The following CXCL13 variants were observed in gnomAD, a reference collection of about 807,000 sequenced individuals.
CXCL13 encodes C-X-C motif chemokine ligand 13.
CXCL13 carries 7 observed loss-of-function variants against 12.2 expected under a neutral mutation model. The observed-to-expected ratio is 0.57, with a 90% CI of 0.33 to 1.07. The LOEUF (loss-of-function observed/expected upper bound fraction) is 1.07. CXCL13 is among the 50% of genes least tolerant of loss of function. The probability of loss-of-function intolerance (pLI) is 0.04; values close to 1 mark genes in which losing one functional copy is unlikely to be tolerated. For missense variants in CXCL13, 113 were observed against 127.4 expected (o/e 0.89, Z 0.55); for synonymous variants, 47 against 42.4 (o/e 1.11, Z -0.42).
intron 1 of CXCL13, among the ~76,000 whole-genome samples, chr4:77,575,836 T>C (rs1312812151): frequency 6.6e-6 from 1 of 151,852 alleles, no homozygotes; most frequent in Non-Finnish European, 1.5e-5. Context: ...CAATTTTCTT[T>C]AGGTTATATT....
At chr4:77,526,911 A>G (rs982803803) in intron 1 of CXCL13, among the ~76,000 whole-genome samples, 6 of 152,150 alleles carry the variant, frequency 3.9e-5, no homozygotes, top group African/African-American at 1.4e-4. Context: ...TCCTGGTTAA[A>G]CAAGAAGAGT....
intron 1 of CXCL13, among the ~76,000 whole-genome samples, chr4:77,531,737 G>A (rs1724923801): frequency 6.6e-6 from 1 of 152,076 alleles, no homozygotes. Context: ...CTCCTGTATT[G>A]GGTGAATATA....
At chr4:77,546,782 C>A (rs1725378205) in intron 1 of CXCL13, among the ~76,000 whole-genome samples, 1 of 152,146 alleles carries the variant, frequency 6.6e-6, no homozygotes, top group African/African-American at 2.4e-5. Context: ...CTTCTGCTAG[C>A]TTTTGAATGT....
chr4:77,555,903 A>G (rs552903713), intron 1 of CXCL13, among the ~76,000 whole-genome samples: 12 of 152,326 alleles, frequency 7.9e-5, no homozygotes, highest in African/African-American at 2.6e-4. Context: ...AGCCACATTG[A>G]TATATTTTTA....
chr4:77,526,677 T>C lies in CXCL13; in HGVS notation c.-43+14889T>C, dbSNP rs185184588. ...CCCTGGCCTCATGGAGCTTCCACACTATGGTGTAAGCAAAGACAGTGACAA... is the reference window on the plus strand; with the variant it reads ...CCCTGGCCTCATGGAGCTTCCACACCATGGTGTAAGCAAAGACAGTGACAA... On this transcript the variant is annotated intron_variant, in intron 1 of 4. Transcript: ENST00000286758. 3.7e-4 allele frequency among the ~76,000 whole-genome samples: 56 copies of C among 152,134 alleles called. 1 individual carries two copies. In the Middle Eastern group the frequency reaches 0.017, roughly 46 times the overall value.
chr4:77,522,312 G>A (rs575448526), intron 1 of CXCL13, among the ~76,000 whole-genome samples: 1 of 151,948 alleles, frequency 6.6e-6, no homozygotes, highest in Admixed American at 6.6e-5. Context: ...TTATTTTGTG[G>A]GAGTCTAAGT....
chr4:77,513,309 G>T (rs766085978), intron 1 of CXCL13, among the ~76,000 whole-genome samples: 3 of 152,086 alleles, frequency 2.0e-5, no homozygotes, highest in African/African-American at 7.2e-5. Context: ...TGATGGGATC[G>T]CTGGGTCTAA....
chr4:77,515,928 G>T (rs901946009), intron 1 of CXCL13, among the ~76,000 whole-genome samples: 36 of 152,212 alleles, frequency 2.4e-4, no homozygotes, highest in Admixed American at 1.9e-3. Flanking sequence ...CATTCAGTAT[G>T]ATATTGACTG....
chr4:77,518,838 A>G (rs1724498615), intron 1 of CXCL13, among the ~76,000 whole-genome samples: 1 of 152,184 alleles, frequency 6.6e-6, no homozygotes, highest in Non-Finnish European at 1.5e-5. Context: ...CTGGTGAGGA[A>G]CTGCGATCCT....
intron 1 of CXCL13, among the ~76,000 whole-genome samples, chr4:77,534,736 G>T (rs372773641): frequency 6.6e-6 from 1 of 152,174 alleles, no homozygotes; most frequent in African/African-American, 2.4e-5. Flanking sequence ...CAGGCCTCAG[G>T]TGTGCCACTT....
intron 1 of CXCL13, among the ~76,000 whole-genome samples, chr4:77,548,286 G>A (rs932006568): frequency 3.3e-5 from 5 of 152,168 alleles, no homozygotes; most frequent in Admixed American, 6.5e-5. Context: ...ACAGTATTTA[G>A]TCTATTGGAA....
chr4:77,551,894 T>C (rs539987233), intron 1 of CXCL13, among the ~76,000 whole-genome samples: 39 of 152,334 alleles, frequency 2.6e-4, no homozygotes, highest in African/African-American at 8.9e-4. Flanking sequence ...AAGCTTTCCA[T>C]TGTATTTTGA....
At chr4:77,562,807 T>C (rs1042652455) in intron 1 of CXCL13, among the ~76,000 whole-genome samples, 7 of 152,092 alleles carry the variant, frequency 4.6e-5, no homozygotes, top group Non-Finnish European at 7.4e-5. Context: ...AGCTCAGGGA[T>C]TGTAAACGCA....
intron 1 of CXCL13, among the ~76,000 whole-genome samples, chr4:77,583,204 T>G (rs1185962773): frequency 2.0e-5 from 3 of 152,234 alleles, no homozygotes; most frequent in African/African-American, 7.2e-5. Flanking sequence ...GAAATTGCTC[T>G]TAGGGCTTAT....
At chr4:77,519,661 G>T (rs947570278) in intron 1 of CXCL13, among the ~76,000 whole-genome samples, 1 of 152,126 alleles carries the variant, frequency 6.6e-6, no homozygotes. Flanking sequence ...CCATTCTGTA[G>T]GTTGCCTGTT....
intron 1 of CXCL13, among the ~76,000 whole-genome samples, chr4:77,561,853 G>T (rs1283465012): frequency 6.6e-6 from 1 of 152,206 alleles, no homozygotes; most frequent in Non-Finnish European, 1.5e-5. Context: ...GCCGAGGCTG[G>T]AGCTGGCTCC....
At chr4:77,550,153 A>C (rs573692960) in intron 1 of CXCL13, among the ~76,000 whole-genome samples, 8 of 152,356 alleles carry the variant, frequency 5.3e-5, no homozygotes, top group African/African-American at 1.9e-4. Context: ...TGAGCCAGGC[A>C]CAGGGTATAA....
At chr4:77,517,873 T>C (rs1054609668) in intron 1 of CXCL13, among the ~76,000 whole-genome samples, 6 of 152,242 alleles carry the variant, frequency 3.9e-5, no homozygotes, top group African/African-American at 1.4e-4. Context: ...GTTATTTTGC[T>C]CGTCAGTTGA....
At position 77,607,851 on chromosome 4, in the gene CXCL13, AAAAT is replaced by A. The variant is rs747929781; in HGVS notation, c.197+23_197+26del. Reference sequence around the variant, plus strand: ...AAGAAATCATGTAAGTTTCAAGAGAAAAATAAATAAGATTTCCTTCTCCCAATGA... The same window carrying A: ...AAGAAATCATGTAAGTTTCAAGAGAAAAATAAGATTTCCTTCTCCCAATGA... On this transcript the variant is annotated intron_variant, in intron 2 of 3. Coordinates refer to ENST00000682537, the MANE Select transcript of CXCL13 (RefSeq NM_001371558.1). 26 of 1,612,336 alleles carry A rather than the reference AAAAT, an allele frequency of 1.6e-5. No homozygotes were observed. The highest frequency in any genetic ancestry group is 2.1e-5 in the Non-Finnish European group (25 of 1,178,568).
Sources: gnomAD v4.1 joint callset for allele counts (sites outside exome capture counted in the v4.1 genomes callset) on GRCh38, gnomAD v4.1.1 for gene constraint, MANE v1.5 for transcripts, NCBI Gene and HGNC (gene_info 2026-07-23, HGNC 2026-07-21) for gene names.